Variants in CCDC60 observed in about 807,000 individuals in gnomAD.
CCDC60 encodes coiled-coil domain-containing protein 60.
A neutral mutation model predicts 63.5 loss-of-function variants in CCDC60; 54 were observed. The ratio of observed to expected loss-of-function variants is 0.85; its 90% CI spans 0.68 to 1.07. CCDC60 has a LOEUF of 1.07. Ranked by LOEUF, CCDC60 falls within the 50% of genes least tolerant of loss-of-function variation. The pLI is 0.00. For missense variants in CCDC60, 651 were observed against 684.3 expected (o/e 0.95, Z 0.54); for synonymous variants, 206 against 238.8 (o/e 0.86, Z 1.27).
intron 12 of CCDC60, among the ~76,000 whole-genome samples, chr12:119,530,476 T>C (rs1566066030): frequency 6.6e-6 from 1 of 152,050 alleles, no homozygotes. Context: ...ACACACACCG[T>C]CGTGTGTGAG....
intron 7 of CCDC60, among the ~76,000 whole-genome samples, chr12:119,511,929 G>T (rs996738613): frequency 2.0e-5 from 3 of 152,170 alleles, no homozygotes; most frequent in Admixed American, 6.5e-5. Flanking sequence ...TAGGATCTGT[G>T]GCTCTAGGGA....
intron 5 of CCDC60, 101 bp downstream of exon 5, chr12:119,488,967 G>A (rs1217504874): frequency 1.0e-6 from 1 of 973,652 alleles, no homozygotes; most frequent in Admixed American, 1.8e-5. Flanking sequence ...TTTTTGGTAG[G>A]TGGGCTGTTT....
chr12:119,426,720 A>T (rs145900073), intron 1 of CCDC60, among the ~76,000 whole-genome samples: 337 of 152,028 alleles, frequency 2.2e-3, no homozygotes, highest in African/African-American at 7.7e-3. Flanking sequence ...ATTGCCATAG[A>T]CTCTTCACCC....
At chr12:119,491,180 T>C (rs193171254) in intron 5 of CCDC60, among the ~76,000 whole-genome samples, 1 of 152,348 alleles carries the variant, frequency 6.6e-6, no homozygotes, top group East Asian at 1.9e-4. Flanking sequence ...GGTTTACACA[T>C]TCTTTCAATG....
chr12:119,467,650 T>C (rs138090196), intron 2 of CCDC60, among the ~76,000 whole-genome samples: 19 of 152,348 alleles, frequency 1.2e-4, no homozygotes, highest in African/African-American at 4.3e-4. Flanking sequence ...AGCCACCCAG[T>C]CTATGGTATT....
chr12:119,532,726 GTCCCTGCA>G (rs1311951911), intron 13 of CCDC60, among the ~76,000 whole-genome samples: 2 of 152,032 alleles, frequency 1.3e-5, no homozygotes, highest in Admixed American at 1.3e-4. Context: ...CTTCATCTAT[GTCCCTGCA>G]AAGGACATGA....
intron 1 of CCDC60, among the ~76,000 whole-genome samples, chr12:119,374,212 C>T (rs538619747): frequency 6.6e-6 from 1 of 152,186 alleles, no homozygotes; most frequent in East Asian, 1.9e-4. Flanking sequence ...AGGGCCTTCT[C>T]GTCCTTAGAT....
At chr12:119,510,819 C>T (rs1390105483) in intron 7 of CCDC60, among the ~76,000 whole-genome samples, 1 of 152,128 alleles carries the variant, frequency 6.6e-6, no homozygotes, top group Admixed American at 6.5e-5. Flanking sequence ...CGAAAGTGCC[C>T]ACTCCCAGCT....
chr12:119,435,305 G>A (rs1950304095), intron 2 of CCDC60, among the ~76,000 whole-genome samples: 1 of 152,194 alleles, frequency 6.6e-6, no homozygotes, highest in Non-Finnish European at 1.5e-5. Flanking sequence ...AGGCTTATTA[G>A]CTTAGTAGGG....
At chr12:119,393,707 G>A (rs1209628096) in intron 1 of CCDC60, among the ~76,000 whole-genome samples, 1 of 152,206 alleles carries the variant, frequency 6.6e-6, no homozygotes, top group Admixed American at 6.5e-5. Context: ...CCTTCAAAGT[G>A]GCAACTCGTG....
intron 1 of CCDC60, among the ~76,000 whole-genome samples, chr12:119,422,509 A>G (rs1956830888): frequency 6.6e-6 from 1 of 152,200 alleles, no homozygotes; most frequent in East Asian, 1.9e-4. Context: ...GCAAAGTGTG[A>G]GCAGGCGTCT....
At chr12:119,353,296 G>A (rs1250613731) in intron 1 of CCDC60, among the ~76,000 whole-genome samples, 3 of 152,182 alleles carry the variant, frequency 2.0e-5, no homozygotes, top group Non-Finnish European at 4.4e-5. Context: ...GGAACTTCAT[G>A]AAATGGCTGG....
chr12:119,414,102 C>T (rs1296149100), intron 1 of CCDC60, among the ~76,000 whole-genome samples: 2 of 151,464 alleles, frequency 1.3e-5, no homozygotes, highest in East Asian at 2.0e-4. Flanking sequence ...AACCACAACC[C>T]CTGCCTCCTG....
At chr12:119,344,020 G>T (rs1955560389) in intron 1 of CCDC60, among the ~76,000 whole-genome samples, 1 of 151,964 alleles carries the variant, frequency 6.6e-6, no homozygotes, top group Non-Finnish European at 1.5e-5. Context: ...TTTGCCCCAT[G>T]AACTCCCACT....
intron 4 of CCDC60, 23 bp downstream of exon 4, chr12:119,479,224 C>T (rs1593147052): frequency 6.5e-7 from 1 of 1,541,610 alleles, no homozygotes; most frequent in Non-Finnish European, 9.0e-7. Flanking sequence ...ACCTCCAGCT[C>T]ATTTGCTTTG....
At chr12:119,371,543 A>G (rs1300148424) in intron 1 of CCDC60, among the ~76,000 whole-genome samples, 1 of 152,224 alleles carries the variant, frequency 6.6e-6, no homozygotes, top group Non-Finnish European at 1.5e-5. Context: ...TTAGAATCCC[A>G]TGTCTACCGC....
intron 2 of CCDC60, among the ~76,000 whole-genome samples, chr12:119,444,444 CAT>C (rs1950501857): frequency 6.6e-6 from 1 of 152,218 alleles, no homozygotes; most frequent in South Asian, 2.1e-4. Context: ...TCTTTTGTAA[CAT>C]GAACTGAGCT....
At chr12:119,427,316 A>G (rs1311777018) in intron 1 of CCDC60, among the ~76,000 whole-genome samples, 1 of 152,258 alleles carries the variant, frequency 6.6e-6, no homozygotes, top group Non-Finnish European at 1.5e-5. Context: ...GAATCATGCT[A>G]TAAATATTAC....
intron 1 of CCDC60, among the ~76,000 whole-genome samples, chr12:119,367,272 G>A (rs1321491318): frequency 6.6e-6 from 1 of 152,188 alleles, no homozygotes; most frequent in Non-Finnish European, 1.5e-5. Flanking sequence ...GAAGCACAGA[G>A]AGATTAAGAG....
Sources: allele counts gnomAD v4.1 joint callset (sites outside exome capture counted in the v4.1 genomes callset), GRCh38; gene constraint gnomAD v4.1.1; transcripts MANE v1.5; gene names NCBI Gene and HGNC (gene_info 2026-07-23, HGNC 2026-07-21).